NAALADL2: variants seen among roughly 807,000 people sequenced by gnomAD.
NAALADL2 encodes inactive N-acetylated-alpha-linked acidic dipeptidase-like protein 2.
Under a neutral mutation model 87.2 loss-of-function variants are expected in NAALADL2, and 76 were observed. That is an observed-to-expected ratio of 0.87 (90% CI 0.72 to 1.05). The LOEUF is 1.05. Among genes scored for constraint, NAALADL2 ranks in the 50% least tolerant of loss-of-function variants. NAALADL2 has a pLI of 0.00. For synonymous variants in NAALADL2, 354 were observed against 331.0 expected, an observed-to-expected ratio of 1.07 and a Z score of -0.75; for missense variants, 1,089 against 945.8, an observed-to-expected ratio of 1.15 and a Z score of -1.99.
chr3:174,569,929 C>T (rs1224172498), intron 2 of NAALADL2, among the ~76,000 whole-genome samples: 1 of 152,090 alleles, frequency 6.6e-6, no homozygotes, highest in Non-Finnish European at 1.5e-5. Flanking sequence ...GAAGCTTCCT[C>T]TAGCTCTTTC....
At chr3:174,521,571 CAAAAAAAA>C (rs58465181) in intron 1 of NAALADL2, among the ~76,000 whole-genome samples, 23 of 56,198 alleles carry the variant, frequency 4.1e-4, no homozygotes, top group African/African-American at 1.5e-3. Context: ...GACCCTGTCT[CAAAAAAAA>C]AAAAAAAAAA....
In NAALADL2 at chr3:175,121,046, A is replaced by G. The variant is rs116297404; in HGVS notation, c.545+23755A>G. 9.5e-3 allele frequency among the ~76,000 whole-genome samples: 1,445 copies of G among 151,902 alleles called. 16 individuals are homozygous for G. Among genetic ancestry groups the G allele is most frequent in the Non-Finnish European group, 0.015 (1,048 of 67,836 alleles). ...TTTTTGCATCTACCTTTTAAGTGGTATCCTACATTCTTGTCAAATATAATT... is the reference window on the plus strand; with the variant it reads ...TTTTTGCATCTACCTTTTAAGTGGTGTCCTACATTCTTGTCAAATATAATT... On this transcript the variant is annotated intron_variant, in intron 2 of 13. Transcript: ENST00000454872.
intron 3 of NAALADL2, among the ~76,000 whole-genome samples, chr3:174,757,503 T>C (rs532527599): frequency 5.8e-4 from 89 of 152,178 alleles, no homozygotes; most frequent in African/African-American, 2.1e-3. Flanking sequence ...TTTTCTTTTT[T>C]TTTTTTAAGT....
intron 2 of NAALADL2, among the ~76,000 whole-genome samples, chr3:175,163,037 AT>A (rs1733473694): frequency 6.6e-6 from 1 of 152,086 alleles, no homozygotes; most frequent in African/African-American, 2.4e-5. Flanking sequence ...TTGACAAATA[AT>A]TTCTCTGATT....
chr3:174,934,259 T>TA (rs1491332111), intron 1 of NAALADL2, among the ~76,000 whole-genome samples: 1 of 152,178 alleles, frequency 6.6e-6, no homozygotes, highest in Non-Finnish European at 1.5e-5. Flanking sequence ...ATTTGTTTTT[T>TA]AAAAATATGT....
chr3:174,446,511 T>C (rs1378347856), intron 1 of NAALADL2, among the ~76,000 whole-genome samples: 1 of 152,218 alleles, frequency 6.6e-6, no homozygotes, highest in African/African-American at 2.4e-5. Context: ...TCAAGTACAA[T>C]TATCATTGGT....
At chr3:174,858,650 C>T (rs940849572), upstream of NAALADL2, among the ~76,000 whole-genome samples, 1 of 151,756 alleles carries the variant, frequency 6.6e-6, no homozygotes, top group Non-Finnish European at 1.5e-5. Flanking sequence ...ATTCATTCCA[C>T]TCATCAGAAG....
intron 10 of NAALADL2, among the ~76,000 whole-genome samples, chr3:175,593,836 T>C (rs150165181): frequency 1.3e-5 from 2 of 152,174 alleles, no homozygotes; most frequent in East Asian, 3.9e-4. Flanking sequence ...AAGGTCACAT[T>C]CACATGTATT....
chr3:174,880,233 C>T (rs1397728948), intron 1 of NAALADL2, among the ~76,000 whole-genome samples: 1 of 152,064 alleles, frequency 6.6e-6, no homozygotes, highest in Non-Finnish European at 1.5e-5. Context: ...GATTAAACAT[C>T]TCAAACTATG....
chr3:174,831,721 G>A (rs1400430005), intron 3 of NAALADL2, among the ~76,000 whole-genome samples: 5 of 151,456 alleles, frequency 3.3e-5, no homozygotes, highest in Non-Finnish European at 7.4e-5. Flanking sequence ...GAATTCGGCT[G>A]TGAATCCATC....
At chr3:175,183,748 A>T (rs1170144660) in intron 2 of NAALADL2, among the ~76,000 whole-genome samples, 1 of 152,028 alleles carries the variant, frequency 6.6e-6, no homozygotes, top group Non-Finnish European at 1.5e-5. Flanking sequence ...TTTGTTGAGG[A>T]CATTTGCATC....
intron 2 of NAALADL2, among the ~76,000 whole-genome samples, chr3:175,222,541 T>C (rs1743540250): frequency 6.6e-6 from 1 of 152,184 alleles, no homozygotes. Flanking sequence ...GGCATGTCCA[T>C]AAGCAGAACA....
At chr3:174,884,354 A>G (rs2109740450) in intron 1 of NAALADL2, among the ~76,000 whole-genome samples, 1 of 152,278 alleles carries the variant, frequency 6.6e-6, no homozygotes, top group South Asian at 2.1e-4. Flanking sequence ...ATTGTCACCT[A>G]GTTGGGATTG....
chr3:175,427,264 AG>A (rs1716967393), intron 5 of NAALADL2, among the ~76,000 whole-genome samples: 2 of 152,208 alleles, frequency 1.3e-5, no homozygotes, highest in Non-Finnish European at 2.9e-5. Context: ...TGAAAGAATC[AG>A]AATATTTCTA....
chr3:175,393,682 G>T (rs1769374103), intron 5 of NAALADL2, among the ~76,000 whole-genome samples: 1 of 152,216 alleles, frequency 6.6e-6, no homozygotes, highest in Middle Eastern at 3.4e-3. Context: ...ATAAATCAGA[G>T]ACATCAGTTT....
rs1474575470 is a variant in NAALADL2 at position 175,016,349 on chromosome 3, C to T, written c.44-80441C>T. 2.0e-5 allele frequency among the ~76,000 whole-genome samples: 3 copies of T among 150,276 alleles called. No individual in the cohort carries two copies. The East Asian group carries it at 5.8e-4, about 29-fold the overall frequency. ...GAGAATATTACGTGACTCATTACAA[C>T]ATTACAACAGTAGCATATCTATTGA... On this transcript the variant is annotated intron_variant, in intron 1 of 13. Coordinates refer to ENST00000454872, the MANE Select transcript of NAALADL2 (RefSeq NM_207015.3).
At chr3:174,613,068 C>G (rs571131914) in intron 2 of NAALADL2, among the ~76,000 whole-genome samples, 3 of 152,214 alleles carry the variant, frequency 2.0e-5, no homozygotes, top group Non-Finnish European at 4.4e-5. Flanking sequence ...TGGTCTTGGA[C>G]AAGATCCAGA....
intron 5 of NAALADL2, among the ~76,000 whole-genome samples, chr3:175,400,971 C>A (rs548999141): frequency 6.6e-6 from 1 of 152,216 alleles, no homozygotes; most frequent in East Asian, 1.9e-4. Flanking sequence ...GATAGAAAAG[C>A]CAATCAGCCT....
At chr3:174,576,439 A>G (rs182999542) in intron 2 of NAALADL2, among the ~76,000 whole-genome samples, 1 of 152,148 alleles carries the variant, frequency 6.6e-6, no homozygotes, top group Non-Finnish European at 1.5e-5. Flanking sequence ...AAATGATAGA[A>G]TTGTTTTGAG....
Sources: gnomAD v4.1 joint callset for allele counts (sites outside exome capture counted in the v4.1 genomes callset) on GRCh38, gnomAD v4.1.1 for gene constraint, MANE v1.5 for transcripts, NCBI Gene and HGNC (gene_info 2026-07-23, HGNC 2026-07-21) for gene names.